LRRC49: variants seen among roughly 807,000 people sequenced by gnomAD.
LRRC49 encodes leucine-rich repeat-containing protein 49.
A neutral mutation model predicts 83.3 loss-of-function variants in LRRC49; 50 were observed. That is an observed-to-expected ratio of 0.60 (90% confidence interval 0.48 to 0.76). LRRC49 has a LOEUF of 0.76. Among genes scored for constraint, LRRC49 ranks in the 30% least tolerant of loss-of-function variants. LRRC49 has a pLI of 0.00. For synonymous variants in LRRC49, 286 were observed against 283.3 expected (o/e 1.01, Z -0.10); for missense variants, 704 against 809.1 (o/e 0.87, Z 1.58).
intron 14 of LRRC49, 138 bp from the exon 15 acceptor site, chr15:71,037,041 C>T (rs2039541298): frequency 3.7e-6 from 2 of 547,490 alleles, no homozygotes; most frequent in African/African-American, 2.0e-5. Context: ...AGACTGAACT[C>T]AAATAAATCA....
chr15:70,916,289 TTTA>T (rs975551880), intron 6 of LRRC49, among the ~76,000 whole-genome samples: 1 of 151,874 alleles, frequency 6.6e-6, no homozygotes, highest in Non-Finnish European at 1.5e-5. Flanking sequence ...GTGCTGATTA[TTTA>T]TTATTATTAT....
At chr15:70,953,928 T>C (rs1353397960) in intron 8 of LRRC49, among the ~76,000 whole-genome samples, 1 of 152,152 alleles carries the variant, frequency 6.6e-6, no homozygotes, top group East Asian at 1.9e-4. Flanking sequence ...AGAGTCTTGC[T>C]CTGTCTCCTA....
chr15:70,854,320 G>T (rs1385414590), intron 1 of LRRC49, among the ~76,000 whole-genome samples: 1 of 151,948 alleles, frequency 6.6e-6, no homozygotes, highest in African/African-American at 2.4e-5. Flanking sequence ...GAGGTGGAGG[G>T]CGGCTTTCCG....
At chr15:71,049,365 G>C in intron 15 of LRRC49, 44 bp from the exon 16 acceptor site, 1 of 1,276,372 alleles carries the variant, frequency 7.8e-7, no homozygotes, top group Non-Finnish European at 1.1e-6. Context: ...TTGACTTTTG[G>C]ATTAGTTATG....
chr15:70,942,472 T>C (rs1267524413), intron 8 of LRRC49, among the ~76,000 whole-genome samples: 1 of 152,210 alleles, frequency 6.6e-6, no homozygotes, highest in Non-Finnish European at 1.5e-5. Flanking sequence ...AGTATAAGTA[T>C]ATTAAATTCA....
intron 2 of LRRC49, among the ~76,000 whole-genome samples, chr15:70,876,920 C>T (rs967881795): frequency 2.0e-5 from 3 of 152,240 alleles, no homozygotes; most frequent in Middle Eastern, 3.4e-3. Context: ...AAGGCCATTC[C>T]GCTTGTTCTG....
chr15:70,942,033 A>ATTTGTGTGTGTGTGTGTG (rs1340541101), intron 8 of LRRC49, among the ~76,000 whole-genome samples: 14 of 144,088 alleles, frequency 9.7e-5, no homozygotes, highest in African/African-American at 3.4e-4. Context: ...TGTAAAGGTT[A>ATTTGTGTGTGTGTGTGTG]TGTGTGTGTG....
At chr15:71,024,800 A>G (rs1170987253) in intron 14 of LRRC49, among the ~76,000 whole-genome samples, 1 of 151,374 alleles carries the variant, frequency 6.6e-6, no homozygotes, top group African/African-American at 2.4e-5. Context: ...GAAGCCAAGA[A>G]CCATGCTAAA....
chr15:70,857,347 A>G (rs1463601521), intron 1 of LRRC49, among the ~76,000 whole-genome samples: 2 of 152,138 alleles, frequency 1.3e-5, no homozygotes, highest in Non-Finnish European at 2.9e-5. Flanking sequence ...AAGTTGGGAC[A>G]AGGCTAAGCG....
At chr15:70,908,594 T>G (rs1422280554) in intron 5 of LRRC49, 1 of 152,422 alleles carries the variant, frequency 6.6e-6, no homozygotes, top group Non-Finnish European at 1.5e-5. Context: ...ACTAACAATG[T>G]TATTTATAGG....
intron 2 of LRRC49, chr15:70,882,529 A>G (rs2033288633): frequency 1.2e-6 from 2 of 1,613,936 alleles, no homozygotes; most frequent in East Asian, 4.5e-5. Flanking sequence ...CCCAGTCTGT[A>G]TCTGTTTCTG....
chr15:70,873,148 G>C, exon 2 of LRRC49: 2 of 1,462,032 alleles, frequency 1.4e-6, no homozygotes, highest in South Asian at 1.2e-5. Flanking sequence ...GCCTCCCAAA[G>C]TGTTGGGATT....
chr15:71,006,089 C>T (rs1193584427), intron 11 of LRRC49, among the ~76,000 whole-genome samples: 1 of 152,054 alleles, frequency 6.6e-6, no homozygotes, highest in Non-Finnish European at 1.5e-5. Context: ...GGAGACTTGC[C>T]GTTTGTTTTT....
In LRRC49 at chr15:71,049,556, C is replaced by T. The variant is rs371609494; in HGVS notation, c.2005C>T (p.Arg669Cys). The T allele has an allele frequency of 1.2e-5, 19 of 1,613,852 alleles. No homozygotes were observed. The highest frequency in any genetic ancestry group is 1.1e-4 in the African/African-American group (8 of 74,998). ...TGTTAGGGATGCAGTCATAGAAATTCGCAATAAAAATTCCTATATGAAGCT... is the reference window on the plus strand; with the variant it reads ...TGTTAGGGATGCAGTCATAGAAATTTGCAATAAAAATTCCTATATGAAGCT... ...ELVRDAVIEI[R>C]NKNSYMKLCL... The change falls in exon 16 of 16, where the codon CGC (arginine) becomes TGC (cysteine). Residue 669 changes from arginine (R) to cysteine (C), a missense_variant. Physicochemically the swap from Arg to Cys is radical, Grantham distance 180. Around this residue, in one of 3 missense-constraint regions of LRRC49, gnomAD observed 275 missense variants for 338.0 expected, o/e 0.81. Coordinates refer to ENST00000260382, the MANE Select transcript of LRRC49 (RefSeq NM_017691.5).
intron 14 of LRRC49, among the ~76,000 whole-genome samples, chr15:71,029,206 G>A (rs761671143): frequency 1.3e-4 from 20 of 152,070 alleles, no homozygotes; most frequent in Middle Eastern, 3.4e-3. Context: ...ATTATTTACC[G>A]AGTAGTCATT....
rs75962683 is a variant in LRRC49, at chr15:70,862,977, G to C, written c.-299+9508G>C. On this transcript the variant is annotated intron_variant, in intron 1 of 16. Transcript: ENST00000544974. Reference sequence around the variant, plus strand: ...CACAGCACGAGGATGCTTGGCATAGGGGATAAAGGGATGAAATGACTGCCT... The same window carrying C: ...CACAGCACGAGGATGCTTGGCATAGCGGATAAAGGGATGAAATGACTGCCT... Among the ~76,000 whole-genome samples, 461 of 152,276 alleles carry C rather than the reference G, an allele frequency of 3.0e-3. 13 individuals are homozygous for C. In the East Asian group the frequency reaches 0.069, roughly 23 times the overall value.
Position 70,963,874 on chromosome 15 carries a change from A to AAC in LRRC49, c.868_869dup (p.Val291LeufsTer6). On this transcript the variant is annotated frameshift_variant, in exon 9 of 16. Coordinates refer to ENST00000260382, the MANE Select transcript of LRRC49 (RefSeq NM_017691.5). LOFTEE classifies it high-confidence loss of function. ...CCCATAGCTCAAGAGTCATGGTACAAACACACTGTCCTTCAGAATATGATG... is the reference window on the plus strand; with the variant it reads ...CCCATAGCTCAAGAGTCATGGTACAAACACACACTGTCCTTCAGAATATGATG... The AAC allele has an allele frequency of 6.2e-7, 1 of 1,613,656 alleles. No individual in the cohort carries two copies. The highest frequency in any genetic ancestry group is 8.5e-7 in the Non-Finnish European group (1 of 1,179,670).
Position 71,024,148 on chromosome 15 carries a change from C to T in LRRC49, c.1703+11235C>T, listed in dbSNP as rs553149543. On this transcript the variant is annotated intron_variant, in intron 14 of 15. Coordinates refer to ENST00000260382, the MANE Select transcript of LRRC49 (RefSeq NM_017691.5). The stretch of plus-strand genomic sequence containing the variant: ...AGCCCCTGAGGGGCAGCCACAGTCT[C>T]CACAGATCAGCCGATTTAGTCTTTC... Among the ~76,000 whole-genome samples, 6 of 152,348 alleles carry T rather than the reference C, an allele frequency of 3.9e-5. No homozygotes were observed. In the South Asian group the frequency reaches 1.2e-3, roughly 32 times the overall value.
At chr15:71,033,393 C>A (rs1373127919) in intron 14 of LRRC49, among the ~76,000 whole-genome samples, 1 of 152,102 alleles carries the variant, frequency 6.6e-6, no homozygotes, top group Non-Finnish European at 1.5e-5. Context: ...ATAGAGGACA[C>A]AAACAAATAG....
Sources: allele counts gnomAD v4.1 joint callset (sites outside exome capture counted in the v4.1 genomes callset), GRCh38; gene constraint gnomAD v4.1.1; regional missense constraint gnomAD v4.1.1; transcripts MANE v1.5; gene names NCBI Gene and HGNC (gene_info 2026-07-23, HGNC 2026-07-21).